The following NCKAP5 variants were observed in gnomAD, a reference collection of about 807,000 sequenced individuals.
NCKAP5 encodes the protein nck-associated protein 5.
NCKAP5 carries 92 observed loss-of-function variants against 167.0 expected under a neutral mutation model. The ratio of observed to expected loss-of-function variants is 0.55; its 90% CI spans 0.47 to 0.66. The LOEUF is 0.66. Ranked by LOEUF, NCKAP5 falls within the 30% of genes least tolerant of loss-of-function variation. The pLI is 0.00. For synonymous variants in NCKAP5, 891 were observed against 877.4 expected (o/e 1.02, Z -0.27); for missense variants, 2,378 against 2,315.0 (o/e 1.03, Z -0.56).
intron 5 of NCKAP5, among the ~76,000 whole-genome samples, chr2:133,171,081 C>G (rs574917499): frequency 6.6e-6 from 1 of 152,116 alleles, no homozygotes; most frequent in Admixed American, 6.6e-5. Flanking sequence ...TACTTTCTCA[C>G]GCTAGAATTC....
At chr2:133,661,611 C>A in the NCKAP5 span, among the ~76,000 whole-genome samples, 1 of 152,192 alleles carries the variant, frequency 6.6e-6, no homozygotes, top group Non-Finnish European at 1.5e-5. Flanking sequence ...TACCATAATG[C>A]GATCCAGTGG....
chr2:133,507,827 CA>C (rs1167186635), intron 3 of NCKAP5, among the ~76,000 whole-genome samples: 2 of 152,122 alleles, frequency 1.3e-5, no homozygotes, highest in Non-Finnish European at 2.9e-5. Flanking sequence ...GGCAATGCAA[CA>C]CGAAGTAATG....
At chr2:133,186,825 A>T (rs2084966200) in intron 5 of NCKAP5, among the ~76,000 whole-genome samples, 1 of 152,034 alleles carries the variant, frequency 6.6e-6, no homozygotes, top group Admixed American at 6.6e-5. Context: ...GATTACACTT[A>T]TTTGGACAAT....
chr2:133,037,677 A>G (rs1027376168), intron 6 of NCKAP5, among the ~76,000 whole-genome samples: 11 of 152,114 alleles, frequency 7.2e-5, no homozygotes, highest in African/African-American at 2.7e-4. Context: ...AACTCAAACT[A>G]TGAAACTACT....
At chr2:133,329,359 G>T (rs1439026221) in intron 3 of NCKAP5, among the ~76,000 whole-genome samples, 1 of 152,142 alleles carries the variant, frequency 6.6e-6, no homozygotes, top group Non-Finnish European at 1.5e-5. Flanking sequence ...TACCAAGCAT[G>T]CCTTAAATAT....
chr2:133,255,485 C>T (rs1362395059), intron 4 of NCKAP5, among the ~76,000 whole-genome samples: 8 of 151,882 alleles, frequency 5.3e-5, no homozygotes. Context: ...TGTTAGTTTC[C>T]TTGGGGGGAG....
At chr2:132,931,849 T>C (rs1696403550) in intron 8 of NCKAP5, among the ~76,000 whole-genome samples, 1 of 152,120 alleles carries the variant, frequency 6.6e-6, no homozygotes, top group Non-Finnish European at 1.5e-5. Context: ...TGAAATTCCA[T>C]AGAAGAAAAA....
chr2:133,665,908 G>A, the NCKAP5 span, among the ~76,000 whole-genome samples: 4 of 150,376 alleles, frequency 2.7e-5, no homozygotes, highest in Non-Finnish European at 5.9e-5. Flanking sequence ...GTTGTTAATG[G>A]TAAATGGTGA....
At chr2:133,511,111 C>A (rs900295785) in intron 3 of NCKAP5, among the ~76,000 whole-genome samples, 3 of 152,172 alleles carry the variant, frequency 2.0e-5, no homozygotes, top group African/African-American at 7.2e-5. Context: ...TCGATTCTGC[C>A]ATCCTCATTG....
At chr2:133,388,367 C>A (rs1687149650) in intron 3 of NCKAP5, among the ~76,000 whole-genome samples, 1 of 152,202 alleles carries the variant, frequency 6.6e-6, no homozygotes, top group Non-Finnish European at 1.5e-5. Context: ...TATTGCTGAA[C>A]AGCAAATGTT....
At chr2:133,248,317 T>G (rs1195107592) in intron 4 of NCKAP5, among the ~76,000 whole-genome samples, 2 of 152,218 alleles carry the variant, frequency 1.3e-5, no homozygotes, top group Non-Finnish European at 2.9e-5. Context: ...TCCCGCCCTA[T>G]GCTATTCAGA....
At chr2:133,361,864 A>T (rs951463194) in intron 3 of NCKAP5, among the ~76,000 whole-genome samples, 2 of 152,240 alleles carry the variant, frequency 1.3e-5, no homozygotes, top group Admixed American at 6.5e-5. Context: ...AATCCAGTTC[A>T]TATATTTGAT....
intron 8 of NCKAP5, among the ~76,000 whole-genome samples, chr2:132,941,572 G>A (rs1487389587): frequency 6.6e-6 from 1 of 152,180 alleles, no homozygotes. Context: ...GATCCTGCCT[G>A]AGAATAAGAT....
chr2:133,292,768 C>T (rs563781663), intron 4 of NCKAP5, among the ~76,000 whole-genome samples: 3 of 152,268 alleles, frequency 2.0e-5, no homozygotes, highest in Admixed American at 1.3e-4. Flanking sequence ...CAAATCCAAG[C>T]TTCTTGCGGT....
intron 16 of NCKAP5, among the ~76,000 whole-genome samples, chr2:132,736,579 G>A (rs1341011880): frequency 1.3e-5 from 2 of 151,188 alleles, no homozygotes; most frequent in Non-Finnish European, 1.5e-5. Context: ...AAGAGATCGA[G>A]ACCATCCTGG....
intron 4 of NCKAP5, among the ~76,000 whole-genome samples, chr2:133,245,894 A>AG: frequency 7.4e-6 from 1 of 134,544 alleles, no homozygotes; most frequent in African/African-American, 3.2e-5. Flanking sequence ...TGATTTGATC[A>AG]GGAAAAAAAA....
At chr2:132,677,471 A>T (rs1161076530) in intron 19 of NCKAP5, among the ~76,000 whole-genome samples, 1 of 152,148 alleles carries the variant, frequency 6.6e-6, no homozygotes, top group Non-Finnish European at 1.5e-5. Context: ...CTACTATGTG[A>T]CCAGCTTTGT....
At chr2:133,637,475 C>CAAAAAAAAAAAAAAAA in the NCKAP5 span, among the ~76,000 whole-genome samples, 1 of 21,860 alleles carries the variant, frequency 4.6e-5, no homozygotes, top group African/African-American at 3.0e-4. Context: ...TTGGTATTTT[C>CAAAAAAAAAAAAAAAA]CAAAAAAAAA....
rs541686473 is a variant in NCKAP5, at chr2:133,290,744, T to G, written c.143+12293A>C. On this transcript the variant is annotated intron_variant, in intron 4 of 19. Coordinates refer to ENST00000409261, the MANE Select transcript of NCKAP5 (RefSeq NM_207363.3). ...GAATTTCTCCTTTTTTTTTTTTTTT[T>G]TTTTTGTTGTTGTTGTTGTTTATTT... is the stretch of plus-strand genomic sequence containing the variant. Among the ~76,000 whole-genome samples the G allele has an allele frequency of 2.5e-3, 371 of 149,002 alleles. 2 individuals are homozygous for G. Among genetic ancestry groups the G allele is most frequent in the African/African-American group, 8.6e-3 (349 of 40,348 alleles).
Sources: gnomAD v4.1 joint callset for allele counts (sites outside exome capture counted in the v4.1 genomes callset) on GRCh38, gnomAD v4.1.1 for gene constraint, MANE v1.5 for transcripts, NCBI Gene and HGNC (gene_info 2026-07-23, HGNC 2026-07-21) for gene names.